The following FHIT variants were observed in gnomAD, a reference collection of about 807,000 sequenced individuals.
The protein encoded by FHIT is bis(5'-adenosyl)-triphosphatase.
Under a neutral mutation model 17.9 loss-of-function variants are expected in FHIT, and 19 were observed. The observed-to-expected ratio is 1.06, with a 90% CI of 0.74 to 1.56. The LOEUF (loss-of-function observed/expected upper bound fraction) is 1.56. FHIT is among the 40% of genes most tolerant of loss of function. The pLI, the probability that FHIT is intolerant of heterozygous loss-of-function variation, is 0.00. For synonymous variants in FHIT, 81 were observed against 69.7 expected, an observed-to-expected ratio of 1.16 and a Z score of -0.81; for missense variants, 248 against 189.2, an observed-to-expected ratio of 1.31 and a Z score of -1.82.
At chr3:60,782,944 C>T (rs1474705970) in intron 4 of FHIT, among the ~76,000 whole-genome samples, 2 of 152,104 alleles carry the variant, frequency 1.3e-5, no homozygotes, top group East Asian at 3.9e-4. Flanking sequence ...ACCTAATCAC[C>T]TCAAAGGCTC....
chr3:60,446,251 C>T (rs2031325204), intron 5 of FHIT, among the ~76,000 whole-genome samples: 1 of 152,074 alleles, frequency 6.6e-6, no homozygotes, highest in Non-Finnish European at 1.5e-5. Context: ...TCTCTTGGTC[C>T]TCTTTCTTGA....
chr3:59,877,466 C>T (rs753610689), intron 8 of FHIT, among the ~76,000 whole-genome samples: 3 of 152,112 alleles, frequency 2.0e-5, no homozygotes, highest in Admixed American at 6.5e-5. Context: ...AGATAACAAG[C>T]AGGAAGGCCC....
chr3:60,540,833 C>T (rs956508828), intron 4 of FHIT, among the ~76,000 whole-genome samples: 25 of 152,142 alleles, frequency 1.6e-4, no homozygotes, highest in African/African-American at 5.8e-4. Context: ...GGAAGGTTTG[C>T]CCCAGTGGTA....
chr3:61,186,667 G>A (rs1190881314), intron 2 of FHIT, among the ~76,000 whole-genome samples: 1 of 152,192 alleles, frequency 6.6e-6, no homozygotes, highest in Non-Finnish European at 1.5e-5. Context: ...CCTGGCCTAA[G>A]GCTTCAGGAA....
At chr3:60,128,545 C>A (rs902966919) in intron 5 of FHIT, among the ~76,000 whole-genome samples, 1 of 152,112 alleles carries the variant, frequency 6.6e-6, no homozygotes, top group African/African-American at 2.4e-5. Flanking sequence ...TAATACAAAC[C>A]CTTACTATGC....
At chr3:60,412,183 TG>T (rs1470042716) in intron 5 of FHIT, among the ~76,000 whole-genome samples, 1 of 152,078 alleles carries the variant, frequency 6.6e-6, no homozygotes, top group African/African-American at 2.4e-5. Context: ...CAGTCTAGCG[TG>T]GGCAACATAG....
intron 5 of FHIT, among the ~76,000 whole-genome samples, chr3:60,291,276 A>G (rs1707972005): frequency 6.6e-6 from 1 of 152,060 alleles, no homozygotes; most frequent in Non-Finnish European, 1.5e-5. Context: ...ATAGGGTGAA[A>G]GACTAGTTGG....
chr3:60,324,025 G>A (rs1709558107), intron 5 of FHIT, among the ~76,000 whole-genome samples: 1 of 152,094 alleles, frequency 6.6e-6, no homozygotes, highest in Non-Finnish European at 1.5e-5. Flanking sequence ...AGAATCCTTT[G>A]TTGAAATGAA....
chr3:59,813,277 G>A (rs1700471985), intron 8 of FHIT, among the ~76,000 whole-genome samples: 1 of 152,086 alleles, frequency 6.6e-6, no homozygotes, highest in South Asian at 2.1e-4. Context: ...CTTATTTTAT[G>A]TTAACACTTT....
chr3:61,218,763 C>T (rs1301101502), intron 1 of FHIT, among the ~76,000 whole-genome samples: 6 of 152,164 alleles, frequency 3.9e-5, no homozygotes, highest in African/African-American at 1.4e-4. Flanking sequence ...TGTCTTAATG[C>T]ACTACTTTAT....
intron 4 of FHIT, among the ~76,000 whole-genome samples, chr3:60,615,976 C>A (rs1332364562): frequency 6.6e-6 from 1 of 152,190 alleles, no homozygotes; most frequent in Non-Finnish European, 1.5e-5. Flanking sequence ...AAGTCTTCCT[C>A]ATTGCTGTAC....
At chr3:60,527,237 G>A (rs2035609594) in intron 5 of FHIT, among the ~76,000 whole-genome samples, 1 of 152,096 alleles carries the variant, frequency 6.6e-6, no homozygotes. Flanking sequence ...AATACTAACT[G>A]GTATTCTAGG....
intron 8 of FHIT, among the ~76,000 whole-genome samples, chr3:59,771,616 C>G (rs1702078224): frequency 6.6e-6 from 1 of 152,144 alleles, no homozygotes; most frequent in African/African-American, 2.4e-5. Flanking sequence ...ACTCCTTGGC[C>G]CAGCAAATCA....
At chr3:60,477,820 A>G (rs1156745471) in intron 5 of FHIT, among the ~76,000 whole-genome samples, 1 of 152,200 alleles carries the variant, frequency 6.6e-6, no homozygotes, top group Non-Finnish European at 1.5e-5. Flanking sequence ...TCATCAATTC[A>G]GAACCTATAA....
At chr3:60,129,690 T>C (rs999168843) in intron 5 of FHIT, among the ~76,000 whole-genome samples, 1 of 152,216 alleles carries the variant, frequency 6.6e-6, no homozygotes, top group Non-Finnish European at 1.5e-5. Context: ...CTTTGCTTTT[T>C]TTCTCATCCC....
At chr3:60,912,402 C>T (rs188507731) in intron 3 of FHIT, among the ~76,000 whole-genome samples, 1 of 152,224 alleles carries the variant, frequency 6.6e-6, no homozygotes, top group African/African-American at 2.4e-5. Context: ...CATCAACAAA[C>T]TGATGACAGT....
intron 5 of FHIT, among the ~76,000 whole-genome samples, chr3:60,144,342 T>C (rs1303083822): frequency 6.6e-6 from 1 of 152,214 alleles, no homozygotes; most frequent in Admixed American, 6.5e-5. Context: ...ATTATTTCAT[T>C]CAATTCATTG....
intron 1 of FHIT, among the ~76,000 whole-genome samples, chr3:61,231,998 G>A (rs943780625): frequency 6.6e-6 from 1 of 152,052 alleles, no homozygotes. Context: ...CTGCCCTTCT[G>A]CACCAATAAA....
intron 5 of FHIT, among the ~76,000 whole-genome samples, chr3:60,380,408 G>T (rs945232337): frequency 1.3e-5 from 2 of 152,158 alleles, no homozygotes; most frequent in Non-Finnish European, 2.9e-5. Context: ...TGTACACCCT[G>T]CAGAACCATG....
Sources: gnomAD v4.1 joint callset for allele counts (sites outside exome capture counted in the v4.1 genomes callset) on GRCh38, gnomAD v4.1.1 for gene constraint, MANE v1.5 for transcripts, NCBI Gene and HGNC (gene_info 2026-07-23, HGNC 2026-07-21) for gene names.